Variants in KCNQ1 observed in about 807,000 individuals in gnomAD.
KCNQ1 encodes potassium voltage-gated channel subfamily KQT member 1.
KCNQ1 carries 49 observed loss-of-function variants against 72.4 expected under a neutral mutation model. The ratio of observed to expected loss-of-function variants is 0.68; its 90% CI spans 0.54 to 0.86. The LOEUF is 0.86. Among genes scored for constraint, KCNQ1 ranks in the 40% least tolerant of loss-of-function variants. KCNQ1 has a pLI of 0.00. For missense variants in KCNQ1, 790 were observed against 945.1 expected (o/e 0.84, Z 2.15); for synonymous variants, 450 against 412.6 (o/e 1.09, Z -1.10).
rs368547364 is a variant in KCNQ1, at chr11:2,497,137, T to A, written c.387-30791T>A. On this transcript the variant is annotated intron_variant, in intron 1 of 15. Transcript: ENST00000155840. The surrounding 1 kb of genome is among the most constrained non-coding windows in gnomAD (Gnocchi z 4.5). ...TAAACCTTGGAGAATCTGACAATTATATGTCTTGGGGTTGCTCTTCTTGAG... is the reference window on the plus strand; with the variant it reads ...TAAACCTTGGAGAATCTGACAATTAAATGTCTTGGGGTTGCTCTTCTTGAG... Among the ~76,000 whole-genome samples, 18 of 152,272 alleles carry A rather than the reference T, an allele frequency of 1.2e-4. No individual in the cohort carries two copies. In the East Asian group the frequency reaches 2.5e-3, roughly 21 times the overall value.
chr11:2,553,821 T>G (rs933207981), intron 2 of KCNQ1, among the ~76,000 whole-genome samples: 17 of 152,230 alleles, frequency 1.1e-4, no homozygotes, highest in African/African-American at 4.1e-4. Flanking sequence ...GCTCAAGTGA[T>G]TCTCCTGCCT....
At position 2,848,826 on chromosome 11, in the gene KCNQ1, C is replaced by T. The variant is rs903817572; in HGVS notation, c.*823C>T. ...CACCTCCCCTTGCCAGCTGCTGAGC[C>T]GCAGAGAAGTGACGGTTCCTACACA... is the stretch of plus-strand genomic sequence containing the variant. On this transcript the variant is annotated 3_prime_UTR_variant, in exon 16 of 16. Transcript: ENST00000155840. The T allele has an allele frequency of 3.3e-5, 15 of 454,036 alleles. No individual in the cohort carries two copies. Among genetic ancestry groups the T allele is most frequent in the East Asian group, 6.9e-5 (1 of 14,408 alleles). 28.1% of individuals were successfully genotyped at this position (454,036 alleles called of 1,614,324 possible). A position where few individuals can be genotyped will look rare whatever the true frequency, so the allele number is the denominator to read the frequency against.
intron 15 of KCNQ1, among the ~76,000 whole-genome samples, chr11:2,807,731 G>T (rs530339492): frequency 1.9e-5 from 2 of 107,292 alleles, no homozygotes; most frequent in African/African-American, 7.2e-5. Context: ...TGCCTTTCCC[G>T]CACTCTCCTC....
chr11:2,594,876 T>C (rs1451413253), intron 10 of KCNQ1, among the ~76,000 whole-genome samples: 1 of 152,240 alleles, frequency 6.6e-6, no homozygotes, highest in Admixed American at 6.5e-5. Flanking sequence ...TTCTGTTCAC[T>C]GTAGTTTTTT....
intron 10 of KCNQ1, chr11:2,631,093 G>A (rs1351045070): frequency 2.5e-6 from 1 of 398,384 alleles, no homozygotes; most frequent in African/African-American, 2.1e-5. Context: ...AATTCTTTGA[G>A]CTTCATGTAC....
chr11:2,700,189 T>A (rs1376294921), intron 11 of KCNQ1, among the ~76,000 whole-genome samples: 2 of 152,178 alleles, frequency 1.3e-5, no homozygotes, highest in African/African-American at 4.8e-5. Flanking sequence ...CGGGCTCAGA[T>A]TGGCCCAGCG....
In KCNQ1 at chr11:2,536,680, C is replaced by T. The variant is rs145050470; in HGVS notation, c.477+8662C>T. Among the ~76,000 whole-genome samples, 1 of 152,298 alleles carries T rather than the reference C, an allele frequency of 6.6e-6. No homozygotes were observed. Among genetic ancestry groups the T allele is most frequent in the African/African-American group, 2.4e-5 (1 of 41,562 alleles). On this transcript the variant is annotated intron_variant, in intron 2 of 15. Coordinates refer to ENST00000155840, the MANE Select transcript of KCNQ1 (RefSeq NM_000218.3). The surrounding 1 kb of genome is among the most constrained non-coding windows in gnomAD (Gnocchi z 7.4). The stretch of plus-strand genomic sequence containing the variant: ...CTTCAAAACCGGACACAGGGCGTGG[C>T]TCTCCCTCCCAGCCTGCCAGAGGGA...
At chr11:2,587,481 G>A (rs1848607863) in intron 8 of KCNQ1, 89 bp from the exon 9 acceptor site, 2 of 1,586,574 alleles carry the variant, frequency 1.3e-6, no homozygotes, top group Non-Finnish European at 1.7e-6. Flanking sequence ...GGCCAGGCCT[G>A]GGGAACAGGG....
chr11:2,529,863 C>T (rs1404260010), intron 2 of KCNQ1, among the ~76,000 whole-genome samples: 5 of 152,254 alleles, frequency 3.3e-5, no homozygotes, highest in Middle Eastern at 3.4e-3. Flanking sequence ...GCGCACCTCC[C>T]GTGCTCAGGA....
intron 11 of KCNQ1, chr11:2,689,492 G>A (rs1199588430): frequency 1.3e-5 from 5 of 398,560 alleles, no homozygotes; most frequent in Admixed American, 4.4e-5. Context: ...TTCTGCTGAA[G>A]GTTTTGGGTC....
chr11:2,572,679 G>A (rs1254606274), intron 5 of KCNQ1, among the ~76,000 whole-genome samples, 167 bp from the exon 6 acceptor site: 2 of 152,234 alleles, frequency 1.3e-5, no homozygotes, highest in Non-Finnish European at 1.5e-5. Context: ...GCCACTTACC[G>A]GAGTTGTGAG....
chr11:2,474,058 C>G (rs1382585358), intron 1 of KCNQ1, among the ~76,000 whole-genome samples: 1 of 152,198 alleles, frequency 6.6e-6, no homozygotes, highest in Non-Finnish European at 1.5e-5. Context: ...TACCGCTGGC[C>G]CAGTGGTCTC....
chr11:2,618,001 G>A (rs1411813243), intron 10 of KCNQ1: 5 of 398,252 alleles, frequency 1.3e-5, no homozygotes, highest in East Asian at 7.1e-5. Flanking sequence ...TCCTTTTGTT[G>A]ACTGTTTCCG....
At chr11:2,539,715 T>TG (rs1221702149) in intron 2 of KCNQ1, among the ~76,000 whole-genome samples, 1 of 152,154 alleles carries the variant, frequency 6.6e-6, no homozygotes, top group African/African-American at 2.4e-5. Flanking sequence ...CAGACCTTGG[T>TG]GGGGGGTGCG....
Position 2,468,660 on chromosome 11 carries a change from T to C in KCNQ1, c.386+23176T>C, listed in dbSNP as rs1451187952. ...GGCTTGTGCCTTGTGGAATTTTATT[T>C]GGATGGACTCTGGCAGCCAACGCTG... is the stretch of plus-strand genomic sequence containing the variant. On this transcript the variant is annotated intron_variant, in intron 1 of 15. Transcript: ENST00000155840. This position sits in a 1 kb window ranked among gnomAD's most constrained non-coding sequence, Gnocchi z 5.7. 6.6e-6 allele frequency among the ~76,000 whole-genome samples: 1 copy of C among 152,204 alleles called. No individual in the cohort carries two copies. Among genetic ancestry groups the C allele is most frequent in the African/African-American group, 2.4e-5 (1 of 41,446 alleles).
intron 10 of KCNQ1, chr11:2,650,476 C>T: frequency 2.5e-6 from 1 of 398,616 alleles, no homozygotes; most frequent in Non-Finnish European, 4.4e-6. Flanking sequence ...GGTTCTGGTT[C>T]AGTGCAGAAG....
In KCNQ1 at chr11:2,652,251, T is replaced by C. The variant is rs1292669386; in HGVS notation, c.1394-9710T>C. On this transcript the variant is annotated intron_variant, in intron 10 of 15. Coordinates refer to ENST00000155840, the MANE Select transcript of KCNQ1 (RefSeq NM_000218.3). The surrounding 1 kb of genome is among the most constrained non-coding windows in gnomAD (Gnocchi z 5.9). ...ATGAGGCCTGCAACTCATTTCCCCA[T>C]TAAACATTCTGAGAACATCTGCACC... The C allele has an allele frequency of 7.5e-6, 3 of 398,524 alleles. No homozygotes were observed. Among genetic ancestry groups the C allele is most frequent in the Non-Finnish European group, 1.3e-5 (3 of 226,072 alleles). 24.7% of individuals were successfully genotyped at this position (398,524 alleles called of 1,614,324 possible).
chr11:2,621,263 C>G lies in KCNQ1; in HGVS notation c.1393+32409C>G. On this transcript the variant is annotated intron_variant, in intron 10 of 15. Transcript: ENST00000155840. The surrounding 1 kb of genome is among the most constrained non-coding windows in gnomAD (Gnocchi z 5.7). ...AAAGTGCTAGGACTACAGGCATGAG[C>G]CACCGTGCCTGGCCTCATTATTTGC... is the stretch of plus-strand genomic sequence containing the variant. The G allele has an allele frequency of 2.5e-6, 1 of 398,468 alleles. No individual in the cohort carries two copies. The highest frequency in any genetic ancestry group is 4.4e-6 in the Non-Finnish European group (1 of 226,066). The allele number at this position is 398,468 out of a possible 1,614,324, so 24.7% of individuals were successfully genotyped here. A position where few individuals can be genotyped will look rare whatever the true frequency, so the allele number is the denominator to read the frequency against.
At position 2,768,826 on chromosome 11, in the gene KCNQ1, C is replaced by T. The variant is rs1342796249; in HGVS notation, c.1515-18C>T. 4 of 1,610,958 alleles carry T rather than the reference C, an allele frequency of 2.5e-6. No homozygotes were observed. The highest frequency in any genetic ancestry group is 3.4e-6 in the Non-Finnish European group (4 of 1,177,238). ...ACAGGGTGGCCACTCACAATCTCCT[C>T]TCCTCTCTCCACTGCAGGCTGCGGG... On this transcript the variant is annotated intron_variant, in intron 11 of 15. Coordinates refer to ENST00000155840, the MANE Select transcript of KCNQ1 (RefSeq NM_000218.3). The surrounding 1 kb of genome is among the most constrained non-coding windows in gnomAD (Gnocchi z 6.7).
Sources: gnomAD v4.1 joint callset for allele counts (sites outside exome capture counted in the v4.1 genomes callset) on GRCh38, gnomAD v4.1.1 for gene constraint, Gnocchi (gnomAD v3.1) non-coding constraint, MANE v1.5 for transcripts, NCBI Gene and HGNC (gene_info 2026-07-23, HGNC 2026-07-21) for gene names.